The following PTPRG variants were observed in gnomAD, a reference collection of about 807,000 sequenced individuals.
PTPRG encodes the protein receptor-type tyrosine-protein phosphatase gamma.
In PTPRG, 102 loss-of-function variants were observed where a neutral mutation model predicts 165.3. That is an observed-to-expected ratio of 0.62 (90% CI 0.53 to 0.73). The LOEUF (loss-of-function observed/expected upper bound fraction) is 0.73. Among genes scored for constraint, PTPRG ranks in the 30% least tolerant of loss-of-function variants. PTPRG has a pLI of 0.00. For synonymous variants in PTPRG, 675 were observed against 669.5 expected, an observed-to-expected ratio of 1.01 and a Z score of -0.13; for missense variants, 1,866 against 1,861.4, an observed-to-expected ratio of 1.00 and a Z score of -0.05.
rs1051450181 is a variant in PTPRG, at chr3:62,139,093, C to T, written c.682+6425C>T. 2.0e-5 allele frequency among the ~76,000 whole-genome samples: 3 copies of T among 152,240 alleles called. No individual in the cohort carries two copies. The South Asian group carries it at 6.2e-4, about 32-fold the overall frequency. On this transcript the variant is annotated intron_variant, in intron 6 of 29. Transcript: ENST00000474889. ...CCCTTCCTCACTGTCACTTTCCTCT[C>T]CTGGAGAATGTACCATCTTAGTGAG...
intron 2 of PTPRG, among the ~76,000 whole-genome samples, chr3:61,890,424 T>TTTTTTG (rs2038180954): frequency 7.9e-5 from 1 of 12,654 alleles, no homozygotes; most frequent in African/African-American, 1.2e-4. Context: ...TTTTTTTTTG[T>TTTTTTG]TTTTTTTTTT....
rs1559523200 is a variant in PTPRG, at chr3:61,610,784, T to TCC, written c.85+48413_85+48414insCC. 1.1e-3 allele frequency among the ~76,000 whole-genome samples: 79 copies of TCC among 69,970 alleles called. 1 individual carries two copies. Among genetic ancestry groups the TCC allele is most frequent in the Admixed American group, 3.2e-3 (16 of 4,924 alleles). The allele number at this position is 69,970 out of a possible 152,430, so 45.9% of individuals were successfully genotyped here. A position where few individuals can be genotyped will look rare whatever the true frequency, so the allele number is the denominator to read the frequency against. Reference sequence around the variant, plus strand: ...CTCCCTCCCTCCCTACCTCCCTCCCTCTCTCTCTCCATCTCTCTTTCTCTA... The same window carrying TCC: ...CTCCCTCCCTCCCTACCTCCCTCCCTCCCTCTCTCTCCATCTCTCTTTCTCTA... On this transcript the variant is annotated intron_variant, in intron 1 of 29. Transcript: ENST00000474889.
chr3:62,140,443 A>G (rs1205890459), intron 6 of PTPRG, among the ~76,000 whole-genome samples: 1 of 152,180 alleles, frequency 6.6e-6, no homozygotes, highest in Admixed American at 6.5e-5. Context: ...ATAATGAACT[A>G]TATAGATTTA....
chr3:62,149,013 C>T (rs181350198), intron 6 of PTPRG, among the ~76,000 whole-genome samples: 31 of 152,198 alleles, frequency 2.0e-4, no homozygotes, highest in Admixed American at 1.1e-3. Context: ...TTTGAGACCT[C>T]GATTTCCCCA....
At chr3:61,600,355 C>T (rs1438390931) in intron 1 of PTPRG, among the ~76,000 whole-genome samples, 1 of 151,896 alleles carries the variant, frequency 6.6e-6, no homozygotes, top group Admixed American at 6.6e-5. Flanking sequence ...CAGTCAAGCT[C>T]AGTGGGCAGC....
intron 1 of PTPRG, among the ~76,000 whole-genome samples, chr3:61,564,335 T>C (rs1371979723): frequency 6.6e-6 from 1 of 152,044 alleles, no homozygotes; most frequent in Non-Finnish European, 1.5e-5. Context: ...AATTTCCAAT[T>C]CCACTTCTGT....
intron 4 of PTPRG, among the ~76,000 whole-genome samples, chr3:62,073,240 A>G (rs1482595924): frequency 1.3e-5 from 2 of 152,234 alleles, no homozygotes; most frequent in Admixed American, 1.3e-4. Flanking sequence ...GGAATGGTGG[A>G]GTTAGAAAGT....
intron 2 of PTPRG, among the ~76,000 whole-genome samples, chr3:61,926,602 TC>T (rs1559693495): frequency 1.9e-4 from 6 of 31,600 alleles, no homozygotes; most frequent in African/African-American, 5.3e-4. Flanking sequence ...CCTCCCTCCC[TC>T]CCTCCCTCCT....
chr3:61,563,676 C>T (rs1699828431), intron 1 of PTPRG, among the ~76,000 whole-genome samples: 1 of 152,194 alleles, frequency 6.6e-6, no homozygotes, highest in Non-Finnish European at 1.5e-5. Flanking sequence ...AGGAATGTGC[C>T]CCGAGGTCTC....
At chr3:61,605,832 C>T (rs1394781942) in intron 1 of PTPRG, among the ~76,000 whole-genome samples, 1 of 152,128 alleles carries the variant, frequency 6.6e-6, no homozygotes, top group Non-Finnish European at 1.5e-5. Context: ...CCTCACTTCT[C>T]AAAGCAGTGG....
In PTPRG at chr3:62,296,981, G is replaced by A. The variant is rs1268114536; in HGVS notation, c.*3674G>A. On this transcript the variant is annotated 3_prime_UTR_variant, in exon 30 of 30. Transcript: ENST00000474889. ...TCGCAACTCTCCAACATTTGGGGTA[G>A]TGACTCCTTTTTTGTTAGGACATTT... 1 of 152,014 alleles carries A rather than the reference G, an allele frequency of 6.6e-6. No individual in the cohort carries two copies. Among genetic ancestry groups the A allele is most frequent in the Non-Finnish European group, 1.5e-5 (1 of 67,952 alleles). 9.4% of individuals were successfully genotyped at this position (152,014 alleles called of 1,614,324 possible). A position where few individuals can be genotyped will look rare whatever the true frequency, so the allele number is the denominator to read the frequency against.
chr3:61,691,537 T>C (rs187879656), intron 1 of PTPRG, among the ~76,000 whole-genome samples: 6 of 152,304 alleles, frequency 3.9e-5, no homozygotes, highest in African/African-American at 1.4e-4. Flanking sequence ...TGTAATTGCT[T>C]AGAAAAATGA....
In PTPRG at chr3:62,273,482, A is replaced by G. The variant is rs143464999; in HGVS notation, c.3319-216A>G. On this transcript the variant is annotated intron_variant, in intron 22 of 29. Transcript: ENST00000474889. This position sits in a 1 kb window ranked among gnomAD's most constrained non-coding sequence, Gnocchi z 4.1. ...GTATAGAATACCGTGATCCAGGCACAGTATAGAATACAGAGCTAAACTTAA... is the reference window on the plus strand; with the variant it reads ...GTATAGAATACCGTGATCCAGGCACGGTATAGAATACAGAGCTAAACTTAA... Among the ~76,000 whole-genome samples, 2 of 152,318 alleles carry G rather than the reference A, an allele frequency of 1.3e-5. No individual in the cohort carries two copies. Among genetic ancestry groups the G allele is most frequent in the East Asian group, 3.9e-4 (2 of 5,186 alleles).
chr3:62,036,044 CAA>C (rs77250969), intron 4 of PTPRG, among the ~76,000 whole-genome samples: 22 of 117,704 alleles, frequency 1.9e-4, no homozygotes, highest in South Asian at 2.8e-4. Flanking sequence ...TGTCAGTGAC[CAA>C]AAAAAAAAAA....
chr3:61,904,008 G>A (rs1249833277), intron 2 of PTPRG, among the ~76,000 whole-genome samples: 4 of 152,194 alleles, frequency 2.6e-5, no homozygotes, highest in African/African-American at 9.7e-5. Context: ...TTGGCAGGAA[G>A]AGATGCTTCT....
chr3:61,999,037 G>C (rs1014014563), intron 3 of PTPRG, among the ~76,000 whole-genome samples: 1 of 152,066 alleles, frequency 6.6e-6, no homozygotes, highest in African/African-American at 2.4e-5. Context: ...AAGGCAGCTG[G>C]CTGGAGGCCT....
chr3:61,900,372 C>T (rs898616288), intron 2 of PTPRG, among the ~76,000 whole-genome samples: 1 of 152,072 alleles, frequency 6.6e-6, no homozygotes, highest in Non-Finnish European at 1.5e-5. Flanking sequence ...TTAATTCTCC[C>T]CCTCCTTCCC....
chr3:62,144,945 C>T (rs978737849), intron 6 of PTPRG, among the ~76,000 whole-genome samples: 1 of 151,978 alleles, frequency 6.6e-6, no homozygotes, highest in Non-Finnish European at 1.5e-5. Context: ...ATCGTTTGAA[C>T]AGGATTATGG....
At chr3:62,234,283 G>A (rs979123090) in intron 14 of PTPRG, among the ~76,000 whole-genome samples, 2 of 152,126 alleles carry the variant, frequency 1.3e-5, no homozygotes, top group Non-Finnish European at 2.9e-5. Flanking sequence ...ATAAACAATC[G>A]TGTGATGAAT....
Sources: gnomAD v4.1 joint callset for allele counts (sites outside exome capture counted in the v4.1 genomes callset) on GRCh38, gnomAD v4.1.1 for gene constraint, Gnocchi (gnomAD v3.1) non-coding constraint, MANE v1.5 for transcripts, NCBI Gene and HGNC (gene_info 2026-07-23, HGNC 2026-07-21) for gene names.